REPS2: variants seen among roughly 807,000 people sequenced by gnomAD.
REPS2 encodes the protein ralBP1-associated Eps domain-containing protein 2.
REPS2 carries 23 observed loss-of-function variants against 53.6 expected under a neutral mutation model. The observed-to-expected ratio is 0.43, with a 90% CI of 0.31 to 0.61. The LOEUF is 0.61. Among genes scored for constraint, REPS2 ranks in the 20% least tolerant of loss-of-function variants. The probability of loss-of-function intolerance (pLI) is 0.11; values close to 1 mark genes in which losing one functional copy is unlikely to be tolerated. For synonymous variants in REPS2, 238 were observed against 218.6 expected, an observed-to-expected ratio of 1.09 and a Z score of -0.78; for missense variants, 446 against 534.9, an observed-to-expected ratio of 0.83 and a Z score of 1.64.
At chrX:16,947,669 AAATATT>A (rs2060457872) in intron 1 of REPS2, among the ~76,000 whole-genome samples, 1 of 112,023 alleles carries the variant, frequency 8.9e-6, no homozygotes, top group Non-Finnish European at 1.9e-5. Context: ...ACATATTTCT[AAATATT>A]AATATTAAAT....
At chrX:17,161,089 T>A in the REPS2 span, among the ~76,000 whole-genome samples, 1 of 111,207 alleles carries the variant, frequency 9.0e-6, no homozygotes, top group African/African-American at 3.3e-5. Context: ...TTTGATTTGA[T>A]GCTGTAATGG....
chrX:17,091,740 A>G (rs920049303), intron 13 of REPS2, among the ~76,000 whole-genome samples: 2 of 110,981 alleles, frequency 1.8e-5, no homozygotes, highest in Admixed American at 1.9e-4. Flanking sequence ...GGTGTATATG[A>G]CATACATGTC....
At chrX:16,984,903 A>G (rs2061072159) in intron 1 of REPS2, among the ~76,000 whole-genome samples, 1 of 110,024 alleles carries the variant, frequency 9.1e-6, no homozygotes, top group African/African-American at 3.3e-5. Context: ...TGCTGGTTTG[A>G]TGTGCTTGAA....
intron 1 of REPS2, among the ~76,000 whole-genome samples, chrX:16,969,824 A>G (rs2060861564): frequency 9.1e-6 from 1 of 109,315 alleles, no homozygotes; most frequent in African/African-American, 3.3e-5. Context: ...TTTGGTTTTC[A>G]TAATAATCAT....
At chrX:16,978,091 T>C (rs984605265) in intron 1 of REPS2, among the ~76,000 whole-genome samples, 2 of 112,104 alleles carry the variant, frequency 1.8e-5, no homozygotes, top group African/African-American at 3.2e-5. Context: ...AATGAAAGCC[T>C]CTATTCTAAA....
At chrX:17,065,487 C>G (rs772996548) in intron 9 of REPS2, among the ~76,000 whole-genome samples, 1 of 112,701 alleles carries the variant, frequency 8.9e-6, no homozygotes, top group Non-Finnish European at 1.9e-5. Flanking sequence ...TGTAAGTGTT[C>G]TTGTGCTTTT....
intron 8 of REPS2, among the ~76,000 whole-genome samples, chrX:17,061,513 T>G (rs1407845647): frequency 8.9e-6 from 1 of 112,650 alleles, no homozygotes; most frequent in African/African-American, 3.2e-5. Flanking sequence ...GGGGAAGGAT[T>G]AAAAACAATG....
the REPS2 span, among the ~76,000 whole-genome samples, chrX:17,165,644 C>T: frequency 1.8e-5 from 2 of 111,321 alleles, no homozygotes; most frequent in South Asian, 3.8e-4. Context: ...TTACTTGGAA[C>T]GTGCTTTTTG....
At chrX:17,135,212 A>G in intron 15 of REPS2, 49 bp from the exon 16 acceptor site, 1 of 1,145,169 alleles carries the variant, frequency 8.7e-7, no homozygotes, top group Non-Finnish European at 1.2e-6. Flanking sequence ...AGTGGAGGGA[A>G]CATTGAAATG....
chrX:16,998,927 T>C (rs2061265503), intron 1 of REPS2, among the ~76,000 whole-genome samples: 1 of 112,702 alleles, frequency 8.9e-6, no homozygotes, highest in Admixed American at 9.4e-5. Flanking sequence ...ATCTGATTAG[T>C]GGTGACTAGG....
At chrX:16,960,863 AAAT>A (rs1291285409) in intron 1 of REPS2, among the ~76,000 whole-genome samples, 1 of 112,413 alleles carries the variant, frequency 8.9e-6, no homozygotes, top group Non-Finnish European at 1.9e-5. Flanking sequence ...GATAACATAA[AAAT>A]AATAAAATAT....
intron 13 of REPS2, among the ~76,000 whole-genome samples, chrX:17,095,660 G>C (rs2062687409): frequency 9.0e-6 from 1 of 110,701 alleles, no homozygotes; most frequent in South Asian, 3.9e-4. Flanking sequence ...TACAGCAGAG[G>C]GGACTGTAAG....
rs1603141745 is a variant in REPS2 at position 17,147,505 on chromosome X, T to G, written c.*24T>G. On this transcript the variant is annotated 3_prime_UTR_variant, in exon 18 of 18. Coordinates refer to ENST00000357277, the MANE Select transcript of REPS2 (RefSeq NM_004726.3). ...GACCCCCCCATGGTTCAAGTGACAGTGGGTGACCTTGTCTGCCAAGATCTT... is the reference window on the plus strand; with the variant it reads ...GACCCCCCCATGGTTCAAGTGACAGGGGGTGACCTTGTCTGCCAAGATCTT... 1.8e-6 allele frequency: 2 copies of G among 1,105,247 alleles called. No individual in the cohort carries two copies. Among genetic ancestry groups the G allele is most frequent in the African/African-American group, 3.6e-5 (2 of 55,538 alleles). The allele number at this position is 1,105,247 out of a possible 1,213,427, so 91.1% of individuals were successfully genotyped here. A position where few individuals can be genotyped will look rare whatever the true frequency, so the allele number is the denominator to read the frequency against.
Position 17,046,582 on chromosome X carries a change from C to T in REPS2, c.772-765C>T, listed in dbSNP as rs181379223. Among the ~76,000 whole-genome samples the T allele has an allele frequency of 4.7e-3, 527 of 111,987 alleles. 2 individuals carry two copies. The highest frequency in any genetic ancestry group is 0.016 in the African/African-American group (505 of 30,828). ...GGAGGGATAGAACAAAGGCCCACGC[C>T]TCCCCCTAGCATCGACATTTCCCTT... On this transcript the variant is annotated intron_variant, in intron 5 of 17. Transcript: ENST00000357277.
At chrX:16,954,026 T>C (rs1258673869) in intron 1 of REPS2, among the ~76,000 whole-genome samples, 2 of 111,326 alleles carry the variant, frequency 1.8e-5, no homozygotes, top group Non-Finnish European at 3.8e-5. Context: ...TGATCATGAC[T>C]CACTGTACCC....
intron 1 of REPS2, among the ~76,000 whole-genome samples, chrX:16,948,133 T>TA (rs1362187959): frequency 4.4e-5 from 5 of 112,419 alleles, no homozygotes; most frequent in Non-Finnish European, 9.4e-5. Flanking sequence ...AGTGGTATTT[T>TA]AAAATCTAGT....
chrX:17,060,399 T>TA (rs2062143795), intron 8 of REPS2, among the ~76,000 whole-genome samples: 1 of 111,566 alleles, frequency 9.0e-6, no homozygotes, highest in African/African-American at 3.3e-5. Context: ...TAGAGTTTGT[T>TA]AAAAAATACC....
rs1028762002 is a variant in REPS2, at chrX:16,984,496, C to T, written c.274-21725C>T. On this transcript the variant is annotated intron_variant, in intron 1 of 17. Transcript: ENST00000357277. ...GGATGATACAAGGGCATCAAGAATA[C>T]TATGAGATGGAAATCACTGGGGGCC... Among the ~76,000 whole-genome samples, 9 of 112,348 alleles carry T rather than the reference C, an allele frequency of 8.0e-5. 1 individual carries two copies. In the Admixed American group the frequency reaches 8.5e-4, roughly 11 times the overall value.
chrX:17,003,120 T>C (rs2061325974), intron 1 of REPS2, among the ~76,000 whole-genome samples: 1 of 111,733 alleles, frequency 8.9e-6, no homozygotes, highest in African/African-American at 3.3e-5. Context: ...CGCTTTCTGC[T>C]GGGCACTTAG....
Sources: gnomAD v4.1 joint callset for allele counts (sites outside exome capture counted in the v4.1 genomes callset) on GRCh38, gnomAD v4.1.1 for gene constraint, MANE v1.5 for transcripts, NCBI Gene and HGNC (gene_info 2026-07-23, HGNC 2026-07-21) for gene names.